ARHGAP10: variants seen among roughly 807,000 people sequenced by gnomAD.
ARHGAP10 encodes Rho GTPase activating protein 10, also known as rho GTPase-activating protein 10.
ARHGAP10 carries 87 observed loss-of-function variants against 108.6 expected under a neutral mutation model. The ratio of observed to expected loss-of-function variants is 0.80; its 90% CI spans 0.67 to 0.96. The LOEUF (loss-of-function observed/expected upper bound fraction) is 0.96, where lower values mean the gene tolerates loss of function less well. ARHGAP10 is among the 40% of genes least tolerant of loss of function. The pLI, the probability that ARHGAP10 is intolerant of heterozygous loss-of-function variation, is 0.00. For missense variants in ARHGAP10, 939 were observed against 954.5 expected (o/e 0.98, Z 0.21); for synonymous variants, 347 against 341.1 (o/e 1.02, Z -0.19).
chr4:147,946,349 A>G (rs190093599), intron 14 of ARHGAP10: 1 of 362,560 alleles, frequency 2.8e-6, no homozygotes, highest in East Asian at 4.5e-5. Flanking sequence ...GGATGTTGAA[A>G]TAATATACTA....
intron 20 of ARHGAP10, among the ~76,000 whole-genome samples, chr4:148,049,805 T>TTTTG (rs1193876200): frequency 2.2e-4 from 30 of 137,870 alleles, no homozygotes; most frequent in African/African-American, 8.3e-4. Context: ...GTTTTTTTTG[T>TTTTG]TTGTTTGTTT....
At chr4:148,011,520 G>A (rs1741171161) in intron 18 of ARHGAP10, among the ~76,000 whole-genome samples, 1 of 152,228 alleles carries the variant, frequency 6.6e-6, no homozygotes, top group African/African-American at 2.4e-5. Flanking sequence ...GGCTCCAAGT[G>A]AGTGTTCCAG....
intron 19 of ARHGAP10, among the ~76,000 whole-genome samples, chr4:148,031,080 G>T (rs1728130620): frequency 6.6e-6 from 1 of 151,950 alleles, no homozygotes; most frequent in African/African-American, 2.4e-5. Flanking sequence ...ACAAAAAAAT[G>T]AATTTTGAGA....
intron 6 of ARHGAP10, 168 bp from the exon 7 acceptor site, chr4:147,866,544 A>G: frequency 3.7e-6 from 2 of 546,770 alleles, no homozygotes; most frequent in Middle Eastern, 4.2e-4. Flanking sequence ...AGACCAATTA[A>G]TAGATAATAT....
At chr4:148,009,890 G>A (rs980286257) in intron 18 of ARHGAP10, among the ~76,000 whole-genome samples, 7 of 152,174 alleles carry the variant, frequency 4.6e-5, no homozygotes, top group African/African-American at 1.4e-4. Flanking sequence ...ACTTTATTCA[G>A]AACGTTGTGA....
At chr4:147,831,325 T>A (rs17023931) in intron 3 of ARHGAP10, among the ~76,000 whole-genome samples, 153 of 152,362 alleles carry the variant, frequency 1.0e-3, no homozygotes, top group African/African-American at 3.6e-3. Flanking sequence ...TTTGTGTTAA[T>A]GGAATAGGTT....
chr4:147,955,281 T>G, intron 15 of ARHGAP10, 35 bp from the exon 16 acceptor site: 1 of 1,570,228 alleles, frequency 6.4e-7, no homozygotes, highest in South Asian at 1.2e-5. Flanking sequence ...TTGTTTGGAT[T>G]TATTTGATAA....
chr4:147,793,186 A>ATG (rs910495445), intron 1 of ARHGAP10, among the ~76,000 whole-genome samples: 23 of 150,578 alleles, frequency 1.5e-4, no homozygotes, highest in East Asian at 1.2e-3. Flanking sequence ...GTGTGCATAT[A>ATG]TGTGTGTGTG....
chr4:147,825,541 G>A (rs552924158), intron 3 of ARHGAP10, among the ~76,000 whole-genome samples: 315 of 152,236 alleles, frequency 2.1e-3, no homozygotes, highest in Admixed American at 3.3e-3. Context: ...TGTATATATT[G>A]TAGATACTGT....
chr4:147,850,055 A>G (rs1028457604), intron 4 of ARHGAP10, among the ~76,000 whole-genome samples: 2 of 152,190 alleles, frequency 1.3e-5, no homozygotes, highest in East Asian at 1.9e-4. Flanking sequence ...AAATGCACCA[A>G]TCAGCACTCT....
chr4:147,749,197 T>G (rs745695252), intron 1 of ARHGAP10, among the ~76,000 whole-genome samples: 1 of 152,182 alleles, frequency 6.6e-6, no homozygotes, highest in African/African-American at 2.4e-5. Context: ...AAATGAAGAC[T>G]GTGATTCCTG....
At chr4:147,788,721 G>A (rs997214210) in intron 1 of ARHGAP10, among the ~76,000 whole-genome samples, 5 of 152,162 alleles carry the variant, frequency 3.3e-5, no homozygotes, top group African/African-American at 1.2e-4. Flanking sequence ...GATCTCTCTT[G>A]TTGGTAAAAA....
In ARHGAP10 at chr4:147,806,928, A is replaced by G. The variant is rs531342142; in HGVS notation, c.155-15799A>G. Among the ~76,000 whole-genome samples, 6 of 152,302 alleles carry G rather than the reference A, an allele frequency of 3.9e-5. No individual in the cohort carries two copies. The South Asian group carries it at 1.2e-3, about 32-fold the overall frequency. On this transcript the variant is annotated intron_variant, in intron 1 of 22. Transcript: ENST00000336498. ...TGCCACGAAACTGCCCCTGCCACCCAGTTCTAAGAAGTAGATCCATTGGTT... is the reference window on the plus strand; with the variant it reads ...TGCCACGAAACTGCCCCTGCCACCCGGTTCTAAGAAGTAGATCCATTGGTT...
intron 11 of ARHGAP10, among the ~76,000 whole-genome samples, chr4:147,908,677 A>C (rs1164244386): frequency 6.6e-6 from 1 of 152,200 alleles, no homozygotes; most frequent in Non-Finnish European, 1.5e-5. Flanking sequence ...GGCAGGAGTT[A>C]TCTCTTTAGG....
chr4:147,802,485 A>C (rs1028297075), intron 1 of ARHGAP10, among the ~76,000 whole-genome samples: 1 of 152,244 alleles, frequency 6.6e-6, no homozygotes, highest in Non-Finnish European at 1.5e-5. Context: ...GCTCAGACTC[A>C]AAGACTGTTA....
At chr4:147,768,512 A>T (rs79391866) in intron 1 of ARHGAP10, among the ~76,000 whole-genome samples, 2 of 151,866 alleles carry the variant, frequency 1.3e-5, no homozygotes, top group African/African-American at 4.8e-5. Context: ...AAAAAAAAAA[A>T]GTAATTAAAG....
At chr4:147,892,113 T>C (rs756501989) in intron 10 of ARHGAP10, among the ~76,000 whole-genome samples, 2 of 152,232 alleles carry the variant, frequency 1.3e-5, no homozygotes, top group Non-Finnish European at 2.9e-5. Context: ...CTGGTTCCCA[T>C]ATCACTCTTG....
rs145950581 is a variant in ARHGAP10, at chr4:148,005,107, C to T, written c.1717-18156C>T. ...CCTCACTTATTACACTTCAGGCACA[C>T]TGGCCTATTTGGTATTCCTGGAACA... On this transcript the variant is annotated intron_variant, in intron 18 of 22. Coordinates refer to ENST00000336498, the MANE Select transcript of ARHGAP10 (RefSeq NM_024605.4). Among the ~76,000 whole-genome samples, 16 of 152,348 alleles carry T rather than the reference C, an allele frequency of 1.1e-4. No homozygotes were observed. In the East Asian group the frequency reaches 3.1e-3, roughly 29 times the overall value.
intron 3 of ARHGAP10, among the ~76,000 whole-genome samples, chr4:147,828,264 A>G (rs1280386281): frequency 1.3e-5 from 2 of 152,224 alleles, no homozygotes; most frequent in Non-Finnish European, 1.5e-5. Flanking sequence ...AATGTCAACT[A>G]TTTTAAAATG....
Sources: gnomAD v4.1 joint callset for allele counts (sites outside exome capture counted in the v4.1 genomes callset) on GRCh38, gnomAD v4.1.1 for gene constraint, MANE v1.5 for transcripts, NCBI Gene and HGNC (gene_info 2026-07-23, HGNC 2026-07-21) for gene names.